The following GAS7 variants were observed in gnomAD, a reference collection of about 807,000 sequenced individuals.
GAS7 encodes growth arrest-specific protein 7.
In GAS7, 28 loss-of-function variants were observed where a neutral mutation model predicts 71.1. The observed-to-expected ratio is 0.39, with a 90% CI of 0.29 to 0.54. GAS7 has a LOEUF of 0.54. GAS7 is among the 20% of genes least tolerant of loss of function. The probability of loss-of-function intolerance (pLI) is 0.62; values close to 1 mark genes in which losing one functional copy is unlikely to be tolerated. For synonymous variants in GAS7, 258 were observed against 245.8 expected, an observed-to-expected ratio of 1.05 and a Z score of -0.46; for missense variants, 436 against 627.8, an observed-to-expected ratio of 0.69 and a Z score of 3.27.
chr17:10,005,290 T>C (rs1597664903), intron 2 of GAS7, among the ~76,000 whole-genome samples: 1 of 149,634 alleles, frequency 6.7e-6, no homozygotes, highest in Non-Finnish European at 1.5e-5. Flanking sequence ...TATACATGCA[T>C]ACATGTATAT....
chr17:10,084,788 C>A (rs2073499186), intron 1 of GAS7, among the ~76,000 whole-genome samples: 2 of 152,182 alleles, frequency 1.3e-5, no homozygotes, highest in Admixed American at 6.5e-5. Flanking sequence ...ATCTTAATAG[C>A]AGCCCGCTCT....
At chr17:10,044,395 C>T (rs1377871491) in intron 1 of GAS7, among the ~76,000 whole-genome samples, 1 of 152,144 alleles carries the variant, frequency 6.6e-6, no homozygotes, top group Non-Finnish European at 1.5e-5. Context: ...TATACTATGG[C>T]TAGTTTTATG....
chr17:10,195,495 T>G (rs56170897), intron 1 of GAS7, among the ~76,000 whole-genome samples: 2,830 of 152,234 alleles, frequency 0.019, 48 homozygotes, highest in Middle Eastern at 0.031. Context: ...ACATTAGAGA[T>G]GCCATATTCA....
intron 1 of GAS7, among the ~76,000 whole-genome samples, chr17:10,039,513 C>T (rs1387667059): frequency 6.6e-6 from 1 of 152,108 alleles, no homozygotes; most frequent in Non-Finnish European, 1.5e-5. Flanking sequence ...GAAAACCCAT[C>T]TCTACTAAAA....
At chr17:10,005,084 T>TGTGCACGCATACATGTGTGTGC (rs140102794) in intron 2 of GAS7, among the ~76,000 whole-genome samples, 5 of 150,282 alleles carry the variant, frequency 3.3e-5, no homozygotes, top group African/African-American at 1.2e-4. Context: ...CATACATGCG[T>TGTGCACGCATACATGTGTGTGC]GTGTGCACGC....
intron 1 of GAS7, among the ~76,000 whole-genome samples, chr17:10,063,209 C>T (rs950052222): frequency 6.6e-6 from 1 of 152,234 alleles, no homozygotes. Context: ...AAAAGGAGTT[C>T]CTGCTCCTGC....
chr17:9,923,275 C>T (rs1345342989), intron 11 of GAS7, among the ~76,000 whole-genome samples: 1 of 151,052 alleles, frequency 6.6e-6, no homozygotes, highest in Non-Finnish European at 1.5e-5. Context: ...AAAAAACCCT[C>T]TAGGTGATTA....
At chr17:10,062,530 G>T (rs908667419) in intron 1 of GAS7, among the ~76,000 whole-genome samples, 1 of 152,156 alleles carries the variant, frequency 6.6e-6, no homozygotes, top group Non-Finnish European at 1.5e-5. Flanking sequence ...ACAACTGATC[G>T]AGATATCATT....
intron 1 of GAS7, among the ~76,000 whole-genome samples, chr17:10,196,642 C>T (rs1004046530): frequency 2.0e-5 from 3 of 152,198 alleles, no homozygotes; most frequent in Non-Finnish European, 4.4e-5. Context: ...CTCACCCCTA[C>T]ACAAAACACA....
Position 9,982,921 on chromosome 17 carries a change from C to T in GAS7, c.305-1037G>A, listed in dbSNP as rs1463459621. Among the ~76,000 whole-genome samples the T allele has an allele frequency of 2.0e-5, 3 of 152,216 alleles. No homozygotes were observed. The East Asian group carries it at 5.8e-4, about 29-fold the overall frequency. On this transcript the variant is annotated intron_variant, in intron 2 of 13. Transcript: ENST00000432992. ...CTAATACTGCAAGCTATAGTATTGT[C>T]CCCCAAACACTACTTTACCCATTTC...
intron 1 of GAS7, among the ~76,000 whole-genome samples, chr17:10,028,805 T>C (rs3760501): frequency 0.12 from 17,886 of 152,194 alleles, 1,242 homozygotes; most frequent in East Asian, 0.16. Context: ...GAATCAATAC[T>C]GCAAAACAAA....
At chr17:10,038,298 A>T (rs1291619915) in intron 1 of GAS7, among the ~76,000 whole-genome samples, 1 of 152,106 alleles carries the variant, frequency 6.6e-6, no homozygotes, top group Non-Finnish European at 1.5e-5. Flanking sequence ...GCAGTGAGCT[A>T]GGATCACACC....
intron 4 of GAS7, among the ~76,000 whole-genome samples, chr17:9,962,249 CACACACACACACACACACGTG>C (rs1208613808): frequency 6.6e-6 from 1 of 151,810 alleles, no homozygotes; most frequent in Non-Finnish European, 1.5e-5. Context: ...TACACACACA[CACACACACACACACACACGTG>C]ACACACACAC....
intron 2 of GAS7, among the ~76,000 whole-genome samples, chr17:10,019,371 A>T (rs1442313167): frequency 6.6e-6 from 1 of 152,178 alleles, no homozygotes; most frequent in Non-Finnish European, 1.5e-5. Context: ...CAAGATCATT[A>T]AAACCTTCAA....
chr17:9,928,480 C>T (rs2068094559), intron 9 of GAS7, among the ~76,000 whole-genome samples: 1 of 152,030 alleles, frequency 6.6e-6, no homozygotes, highest in South Asian at 2.1e-4. Context: ...CCAGGTGGCA[C>T]CCTAGCCCTG....
At chr17:10,131,831 A>G (rs755474558) in intron 1 of GAS7, among the ~76,000 whole-genome samples, 1 of 152,198 alleles carries the variant, frequency 6.6e-6, no homozygotes, top group African/African-American at 2.4e-5. Flanking sequence ...GAATGAATAC[A>G]TGTGCTCATG....
chr17:10,141,409 G>C (rs1597815501), intron 1 of GAS7, among the ~76,000 whole-genome samples: 1 of 151,910 alleles, frequency 6.6e-6, no homozygotes, highest in Non-Finnish European at 1.5e-5. Flanking sequence ...GATCGCACCG[G>C]TGCACTCCAG....
intron 5 of GAS7, among the ~76,000 whole-genome samples, chr17:9,952,263 G>A (rs1323165534): frequency 6.6e-6 from 1 of 152,190 alleles, no homozygotes; most frequent in Admixed American, 6.5e-5. Flanking sequence ...GATCCATTTA[G>A]CAGGGACAGG....
intron 1 of GAS7, among the ~76,000 whole-genome samples, chr17:10,189,411 C>T (rs968595851): frequency 6.6e-6 from 1 of 152,098 alleles, no homozygotes; most frequent in African/African-American, 2.4e-5. Context: ...AGAACGCATC[C>T]GAAGATGCCA....
Sources: allele counts gnomAD v4.1 joint callset (sites outside exome capture counted in the v4.1 genomes callset), GRCh38; gene constraint gnomAD v4.1.1; transcripts MANE v1.5; gene names NCBI Gene and HGNC (gene_info 2026-07-23, HGNC 2026-07-21).